SMAD2: variants seen among roughly 807,000 people sequenced by gnomAD.
SMAD2 encodes SMAD family member 2, also known as MAD homolog 2.
In SMAD2, 8 loss-of-function variants were observed where a neutral mutation model predicts 64.4. The ratio of observed to expected loss-of-function variants is 0.12; its 90% CI spans 0.07 to 0.22. The LOEUF is 0.22. Ranked by LOEUF, SMAD2 falls within the 10% of genes least tolerant of loss-of-function variation. The pLI, the probability that SMAD2 is intolerant of heterozygous loss-of-function variation, is 1.00. For synonymous variants in SMAD2, 203 were observed against 195.8 expected (o/e 1.04, Z -0.31); for missense variants, 289 against 561.2 (o/e 0.51, Z 4.90).
intron 2 of SMAD2, among the ~76,000 whole-genome samples, chr18:47,894,279 G>A (rs1393073815): frequency 6.6e-6 from 1 of 151,998 alleles, no homozygotes; most frequent in South Asian, 2.1e-4. Flanking sequence ...CCAGTCTCCC[G>A]GCCTCCATTC....
In SMAD2 at chr18:47,813,912, G is replaced by A. The variant is rs1912286030; in HGVS notation, c.*27915C>T. 1 of 151,974 alleles carries A rather than the reference G, an allele frequency of 6.6e-6. No homozygotes were observed. The allele number at this position is 151,974 out of a possible 1,614,324, so 9.4% of individuals were successfully genotyped here. ...ATAGATAGGCCTAATTATGATGAAT[G>A]CTCTCTTACCAGTATAAACAAATTA... On this transcript the variant is annotated 3_prime_UTR_variant, in exon 11 of 11. Coordinates refer to ENST00000262160, the MANE Select transcript of SMAD2 (RefSeq NM_005901.6).
chr18:47,898,538 C>G (rs967290439), intron 1 of SMAD2, among the ~76,000 whole-genome samples: 3 of 152,164 alleles, frequency 2.0e-5, no homozygotes, highest in African/African-American at 7.2e-5. Flanking sequence ...TATTTCCCAT[C>G]AAAGAACATG....
At chr18:47,923,541 A>G (rs1455987356) in intron 1 of SMAD2, 2 of 152,210 alleles carry the variant, frequency 1.3e-5, no homozygotes, top group Admixed American at 6.5e-5. Context: ...CAAGTGCTAA[A>G]TAGCCACATG....
chr18:47,851,693 T>C (rs544166816), intron 6 of SMAD2, among the ~76,000 whole-genome samples: 1 of 152,298 alleles, frequency 6.6e-6, no homozygotes, highest in African/African-American at 2.4e-5. Flanking sequence ...CCGTTTTTCA[T>C]CTTCTATATT....
rs2144378900 is a variant in SMAD2, at chr18:47,869,364, G to C, written c.399C>G (p.Arg133=). Residue 133 remains arginine (R), a synonymous_variant, in exon 4 of 11, where the codon CGC becomes CGG. Transcript: ENST00000262160. ...CATGATGACTGTGAAGATCAGGCCAGCGCCATAATCGGCAATATATAACAT... is the reference window on the plus strand; with the variant it reads ...CATGATGACTGTGAAGATCAGGCCACCGCCATAATCGGCAATATATAACAT... ...LPHVIYCRLW[R]WPDLHSHHEL... is the part of the protein sequence containing the mutation. 3 of 1,613,462 alleles carry C rather than the reference G, an allele frequency of 1.9e-6. No homozygotes were observed. Among genetic ancestry groups the C allele is most frequent in the Non-Finnish European group, 2.5e-6 (3 of 1,179,758 alleles).
At chr18:47,919,893 T>G (rs1376408801) in intron 1 of SMAD2, among the ~76,000 whole-genome samples, 1 of 152,244 alleles carries the variant, frequency 6.6e-6, no homozygotes, top group Non-Finnish European at 1.5e-5. Flanking sequence ...TGTTTATATA[T>G]GTATGGATTT....
chr18:47,850,703 A>G (rs1305143808), intron 7 of SMAD2, among the ~76,000 whole-genome samples: 1 of 24,588 alleles, frequency 4.1e-5, no homozygotes, highest in African/African-American at 2.0e-4. Flanking sequence ...AATATATATT[A>G]TATACTATAT....
chr18:47,850,171 C>A lies in SMAD2; in HGVS notation c.784+1103G>T, dbSNP rs1347471940. 9.3e-4 allele frequency among the ~76,000 whole-genome samples: 97 copies of A among 104,826 alleles called. 1 individual carries two copies. The highest frequency in any genetic ancestry group is 3.8e-4 in the Non-Finnish European group (21 of 55,600). 68.8% of individuals were successfully genotyped at this position (104,826 alleles called of 152,430 possible). On this transcript the variant is annotated intron_variant, in intron 7 of 10. Transcript: ENST00000262160. ...ATACACATTTGTACATATATGTGCACACTCTCATATATATATTATATATAG... is the reference window on the plus strand; with the variant it reads ...ATACACATTTGTACATATATGTGCAAACTCTCATATATATATTATATATAG...
chr18:47,903,138 G>GA (rs1830739621), intron 1 of SMAD2, among the ~76,000 whole-genome samples: 2 of 152,124 alleles, frequency 1.3e-5, no homozygotes, highest in Non-Finnish European at 2.9e-5. Flanking sequence ...AGAAAGGTGA[G>GA]AAAAAGATGA....
chr18:47,857,108 C>T lies in SMAD2; in HGVS notation c.731-5781G>A, dbSNP rs141051736. On this transcript the variant is annotated intron_variant, in intron 6 of 10. Transcript: ENST00000262160. ...TCCTGACCTCGTGATCCGCCCGCCT[C>T]GGCCTCCCAAAGTGACTATGCTAAT... Among the ~76,000 whole-genome samples, 892 of 152,198 alleles carry T rather than the reference C, an allele frequency of 5.9e-3. 5 individuals are homozygous for T. The highest frequency in any genetic ancestry group is 0.016 in the African/African-American group (669 of 41,528).
In SMAD2 at chr18:47,903,510, T is replaced by C. The variant is rs1032792140; in HGVS notation, c.-53-6701A>G. 3.3e-5 allele frequency among the ~76,000 whole-genome samples: 5 copies of C among 152,152 alleles called. 1 individual carries two copies. The highest frequency in any genetic ancestry group is 3.3e-4 in the Admixed American group (5 of 15,272). On this transcript the variant is annotated intron_variant, in intron 1 of 10. Transcript: ENST00000262160. ...CACACTTGGACAAAACAAGAAATGATGGACCATTTTCTAAAAGTAAATATT... is the reference window on the plus strand; with the variant it reads ...CACACTTGGACAAAACAAGAAATGACGGACCATTTTCTAAAAGTAAATATT...
Position 47,824,729 on chromosome 18 carries a change from G to A in SMAD2, c.*17098C>T, listed in dbSNP as rs1442354951. ...GTATACTCAATTTTAAATATAGACA[G>A]TATATTTAAAAAAAACATAAAAAGT... On this transcript the variant is annotated 3_prime_UTR_variant, in exon 11 of 11. Coordinates refer to ENST00000262160, the MANE Select transcript of SMAD2 (RefSeq NM_005901.6). The A allele has an allele frequency of 6.6e-6, 1 of 151,918 alleles. No individual in the cohort carries two copies. The highest frequency in any genetic ancestry group is 1.5e-5 in the Non-Finnish European group (1 of 67,982). 9.4% of individuals were successfully genotyped at this position (151,918 alleles called of 1,614,324 possible).
At chr18:47,863,867 G>A (rs944558854) in intron 6 of SMAD2, among the ~76,000 whole-genome samples, 10 of 152,096 alleles carry the variant, frequency 6.6e-5, no homozygotes, top group Admixed American at 4.6e-4. Context: ...CTTTTCCAAA[G>A]TGTTGAACCA....
At chr18:47,873,789 G>A (rs928741471) in intron 2 of SMAD2, among the ~76,000 whole-genome samples, 11 of 152,312 alleles carry the variant, frequency 7.2e-5, no homozygotes, top group Middle Eastern at 3.4e-3. Flanking sequence ...CTGCATTTCT[G>A]TGGCTGTGTA....
chr18:47,897,891 G>A (rs1282769453), intron 1 of SMAD2, among the ~76,000 whole-genome samples: 1 of 152,094 alleles, frequency 6.6e-6, no homozygotes, highest in African/African-American at 2.4e-5. Context: ...AAATGAATGT[G>A]TTCAATTTGC....
intron 3 of SMAD2, 57 bp from the exon 4 acceptor site, chr18:47,869,493 G>T: frequency 1.1e-6 from 1 of 941,776 alleles, no homozygotes; most frequent in Non-Finnish European, 1.6e-6. Flanking sequence ...AAAAAAAAAA[G>T]TGCAGTCAAA....
intron 10 of SMAD2, among the ~76,000 whole-genome samples, chr18:47,844,144 C>T (rs764064784): frequency 6.6e-6 from 1 of 152,050 alleles, no homozygotes; most frequent in Non-Finnish European, 1.5e-5. Context: ...AATTATTCTA[C>T]CAATATAACT....
chr18:47,923,686 A>G (rs1315316507), intron 1 of SMAD2: 1 of 152,162 alleles, frequency 6.6e-6, no homozygotes, highest in Non-Finnish European at 1.5e-5. Flanking sequence ...GGACTTCAAC[A>G]ACTGCCTATT....
intron 1 of SMAD2, among the ~76,000 whole-genome samples, chr18:47,897,561 C>T (rs1452179707): frequency 6.6e-6 from 1 of 152,192 alleles, no homozygotes; most frequent in Non-Finnish European, 1.5e-5. Context: ...ATACATACAA[C>T]TAACCACATT....
Sources: gnomAD v4.1 joint callset for allele counts (sites outside exome capture counted in the v4.1 genomes callset) on GRCh38, gnomAD v4.1.1 for gene constraint, MANE v1.5 for transcripts, NCBI Gene and HGNC (gene_info 2026-07-23, HGNC 2026-07-21) for gene names.